Variants in TASP1 observed in about 807,000 individuals in gnomAD.
The protein encoded by TASP1 is threonine aspartase 1.
TASP1 carries 16 observed loss-of-function variants against 56.6 expected under a neutral mutation model. That is an observed-to-expected ratio of 0.28 (90% confidence interval 0.19 to 0.43). The LOEUF (loss-of-function observed/expected upper bound fraction) is 0.43, where lower values mean the gene tolerates loss of function less well. Ranked by LOEUF, TASP1 falls within the 20% of genes least tolerant of loss-of-function variation. The probability of loss-of-function intolerance (pLI) is 1.00; values close to 1 mark genes in which losing one functional copy is unlikely to be tolerated. For missense variants in TASP1, 393 were observed against 511.6 expected, an observed-to-expected ratio of 0.77 and a Z score of 2.24; for synonymous variants, 179 against 184.2, an observed-to-expected ratio of 0.97 and a Z score of 0.23.
intron 1 of TASP1, among the ~76,000 whole-genome samples, chr20:13,636,365 G>C (rs1446737834): frequency 7.9e-6 from 1 of 127,212 alleles, no homozygotes; most frequent in Non-Finnish European, 1.6e-5. Flanking sequence ...TCACTATGTT[G>C]GTCAGGCTGG....
At chr20:13,117,628 C>T in the TASP1 span, 221 of 1,613,942 alleles carry the variant, frequency 1.4e-4, no homozygotes, top group Non-Finnish European at 1.7e-4. Context: ...CGGGGTGTCA[C>T]GGAGTTCTTT....
At chr20:13,307,720 T>C in the TASP1 span, among the ~76,000 whole-genome samples, 6 of 152,346 alleles carry the variant, frequency 3.9e-5, no homozygotes, top group South Asian at 1.2e-3. Context: ...CATATTTTGC[T>C]CAATATTGGA....
the TASP1 span, among the ~76,000 whole-genome samples, chr20:13,225,012 ATT>A: frequency 7.3e-6 from 1 of 137,674 alleles, no homozygotes; most frequent in African/African-American, 2.8e-5. Flanking sequence ...CGCCCGGCTA[ATT>A]TTTTTTTTTT....
chr20:13,590,139 C>T lies in TASP1; in HGVS notation c.283-2769G>A, dbSNP rs576188298. On this transcript the variant is annotated intron_variant, in intron 4 of 13. Coordinates refer to ENST00000337743, the MANE Select transcript of TASP1 (RefSeq NM_017714.3). ...CGCAGCTACTCAGGAGGCTGAGGCA[C>T]GAGAATCGCTTGAACCCAGGAGGCA... Among the ~76,000 whole-genome samples, 7 of 151,944 alleles carry T rather than the reference C, an allele frequency of 4.6e-5. No individual in the cohort carries two copies. The South Asian group carries it at 6.2e-4, about 14-fold the overall frequency.
chr20:13,451,254 G>C (rs2043606347), intron 11 of TASP1, among the ~76,000 whole-genome samples: 1 of 152,034 alleles, frequency 6.6e-6, no homozygotes, highest in Non-Finnish European at 1.5e-5. Flanking sequence ...TTTTTTGAAT[G>C]ATAAATAAGC....
At chr20:13,373,893 T>C in the TASP1 span, among the ~76,000 whole-genome samples, 1 of 152,154 alleles carries the variant, frequency 6.6e-6, no homozygotes, top group Non-Finnish European at 1.5e-5. Context: ...TCAGTTTATT[T>C]ACGGGTGTTC....
chr20:13,614,696 C>CATT (rs1298494757), intron 4 of TASP1: 1 of 366,772 alleles, frequency 2.7e-6, no homozygotes, highest in Non-Finnish European at 5.6e-6. Context: ...AATTGAAAGC[C>CATT]ACATAATTAC....
chr20:13,616,077 A>G (rs1184060886), intron 4 of TASP1, among the ~76,000 whole-genome samples: 3 of 152,096 alleles, frequency 2.0e-5, no homozygotes, highest in Admixed American at 2.0e-4. Context: ...ACAAATACAC[A>G]TACACACACA....
At chr20:13,501,075 T>C (rs1032192763) in intron 10 of TASP1, among the ~76,000 whole-genome samples, 8 of 152,072 alleles carry the variant, frequency 5.3e-5, no homozygotes, top group Non-Finnish European at 1.0e-4. Flanking sequence ...GATGACATTT[T>C]TTAATTATTG....
At chr20:13,636,048 G>T (rs1426202501) in intron 1 of TASP1, among the ~76,000 whole-genome samples, 3 of 151,090 alleles carry the variant, frequency 2.0e-5, no homozygotes, top group African/African-American at 7.3e-5. Flanking sequence ...AAGGAAGTAA[G>T]TCATGGAATT....
At chr20:13,264,258 GT>G in the TASP1 span, among the ~76,000 whole-genome samples, 1 of 152,204 alleles carries the variant, frequency 6.6e-6, no homozygotes, top group Non-Finnish European at 1.5e-5. Flanking sequence ...ATAGTTACCA[GT>G]TTTTGCCTTA....
chr20:13,279,825 C>T, the TASP1 span: 2 of 1,613,984 alleles, frequency 1.2e-6, no homozygotes, highest in Admixed American at 1.7e-5. Context: ...GCAACTTCCT[C>T]AACCCCCCCA....
At chr20:13,622,841 C>A (rs748728766) in intron 4 of TASP1, among the ~76,000 whole-genome samples, 1 of 152,208 alleles carries the variant, frequency 6.6e-6, no homozygotes, top group Non-Finnish European at 1.5e-5. Context: ...CTTCTGAAGA[C>A]CTCAATATCC....
the TASP1 span, among the ~76,000 whole-genome samples, chr20:13,331,776 C>G: frequency 6.7e-6 from 1 of 148,814 alleles, no homozygotes; most frequent in African/African-American, 2.5e-5. Context: ...ATTTTTTTAA[C>G]TTTACTCCCT....
At chr20:13,306,564 C>CAAAAAAAAAAAAAAAAAAAGA in the TASP1 span, among the ~76,000 whole-genome samples, 2 of 63,914 alleles carry the variant, frequency 3.1e-5, no homozygotes, top group Non-Finnish European at 5.3e-5. Context: ...GGAGAAAGGA[C>CAAAAAAAAAAAAAAAAAAAGA]AAAAAAAAAA....
At chr20:13,311,885 T>C in the TASP1 span, among the ~76,000 whole-genome samples, 1 of 152,218 alleles carries the variant, frequency 6.6e-6, no homozygotes, top group African/African-American at 2.4e-5. Context: ...ATGATGACTG[T>C]AGTTAATAAT....
the TASP1 span, chr20:13,126,785 C>T: frequency 8.2e-6 from 13 of 1,578,072 alleles, no homozygotes; most frequent in Admixed American, 5.4e-5. Flanking sequence ...TTAATCTCCC[C>T]GCTTCTCAAA....
chr20:13,349,764 C>T, the TASP1 span, among the ~76,000 whole-genome samples: 3 of 152,254 alleles, frequency 2.0e-5, no homozygotes, highest in South Asian at 2.1e-4. Flanking sequence ...ATCAAGGTCA[C>T]GGGATACAAG....
chr20:13,117,648 C>G, the TASP1 span: 1 of 1,614,044 alleles, frequency 6.2e-7, no homozygotes, highest in Non-Finnish European at 8.5e-7. Context: ...TGGACTAGAC[C>G]CTCATGAAGT....
Sources: gnomAD v4.1 joint callset for allele counts (sites outside exome capture counted in the v4.1 genomes callset) on GRCh38, gnomAD v4.1.1 for gene constraint, MANE v1.5 for transcripts, NCBI Gene and HGNC (gene_info 2026-07-23, HGNC 2026-07-21) for gene names.